Variants in RGS7 observed in about 807,000 individuals in gnomAD.
The protein encoded by RGS7 is regulator of G protein signaling 7.
Under a neutral mutation model 81.1 loss-of-function variants are expected in RGS7, and 27 were observed. The observed-to-expected ratio is 0.33, with a 90% CI of 0.25 to 0.46. The LOEUF (loss-of-function observed/expected upper bound fraction) is 0.46, where lower values mean the gene tolerates loss of function less well. RGS7 is among the 20% of genes least tolerant of loss of function. The probability of loss-of-function intolerance (pLI) is 1.00; values close to 1 mark genes in which losing one functional copy is unlikely to be tolerated. For synonymous variants in RGS7, 208 were observed against 207.7 expected, an observed-to-expected ratio of 1.00 and a Z score of -0.01; for missense variants, 396 against 607.4, an observed-to-expected ratio of 0.65 and a Z score of 3.66.
intron 2 of RGS7, among the ~76,000 whole-genome samples, chr1:241,224,174 G>A (rs2075178639): frequency 6.6e-6 from 1 of 151,864 alleles, no homozygotes; most frequent in African/African-American, 2.4e-5. Flanking sequence ...TTATACACGT[G>A]CCTTGGTGGT....
intron 2 of RGS7, among the ~76,000 whole-genome samples, chr1:241,255,546 G>C (rs1424739839): frequency 1.3e-5 from 2 of 152,190 alleles, no homozygotes; most frequent in East Asian, 1.9e-4. Context: ...GACAACAATT[G>C]CTACATTTAA....
At chr1:241,242,579 T>C (rs2076318096) in intron 2 of RGS7, among the ~76,000 whole-genome samples, 1 of 152,214 alleles carries the variant, frequency 6.6e-6, no homozygotes, top group South Asian at 2.1e-4. Context: ...GTTGTACTGG[T>C]TTACATTCCC....
intron 4 of RGS7, among the ~76,000 whole-genome samples, chr1:240,973,741 C>A (rs1012128628): frequency 6.6e-6 from 1 of 151,868 alleles, no homozygotes; most frequent in South Asian, 2.1e-4. Flanking sequence ...AGGGGCCCAC[C>A]ACCGCGCCCG....
chr1:241,175,714 C>T (rs1007007680), intron 2 of RGS7, among the ~76,000 whole-genome samples: 13 of 152,250 alleles, frequency 8.5e-5, no homozygotes, highest in Admixed American at 4.6e-4. Flanking sequence ...AGCTGTCACT[C>T]AGAGTTAAAC....
At chr1:240,979,128 A>T (rs144964034) in intron 4 of RGS7, among the ~76,000 whole-genome samples, 33 of 152,328 alleles carry the variant, frequency 2.2e-4, no homozygotes, top group Middle Eastern at 3.4e-3. Flanking sequence ...GCAACAAAAC[A>T]TTCTGCCAAA....
intron 9 of RGS7, among the ~76,000 whole-genome samples, chr1:240,836,375 G>A (rs1016854233): frequency 6.6e-6 from 1 of 152,206 alleles, no homozygotes; most frequent in Admixed American, 6.5e-5. Context: ...GAAGGTTACT[G>A]CAATTATTCA....
At chr1:241,184,494 T>C (rs1160081607) in intron 2 of RGS7, among the ~76,000 whole-genome samples, 1 of 152,148 alleles carries the variant, frequency 6.6e-6, no homozygotes, top group Non-Finnish European at 1.5e-5. Context: ...TCGGAAATGC[T>C]CCAAAATCCA....
At chr1:241,091,107 C>A (rs560267306) in intron 3 of RGS7, among the ~76,000 whole-genome samples, 49 of 152,242 alleles carry the variant, frequency 3.2e-4, no homozygotes, top group Non-Finnish European at 6.5e-4. Flanking sequence ...CTATTTCCTT[C>A]TCTAGGAAAT....
At chr1:241,342,170 G>A in intron 2 of RGS7, among the ~76,000 whole-genome samples, 1 of 151,950 alleles carries the variant, frequency 6.6e-6, no homozygotes, top group Non-Finnish European at 1.5e-5. Context: ...CACCACACCT[G>A]GTCTCTGGTA....
intron 3 of RGS7, among the ~76,000 whole-genome samples, chr1:241,092,540 A>G (rs187452693): frequency 1.5e-3 from 226 of 152,374 alleles, no homozygotes; most frequent in African/African-American, 5.2e-3. Flanking sequence ...AGCAAAATCT[A>G]CAAATATATT....
intron 9 of RGS7, among the ~76,000 whole-genome samples, 183 bp from the exon 10 acceptor site, chr1:240,827,355 A>G (rs188321666): frequency 6.6e-6 from 1 of 152,286 alleles, no homozygotes; most frequent in Non-Finnish European, 1.5e-5. Flanking sequence ...AAGACATGAT[A>G]CTTCTTAACT....
At chr1:241,225,624 G>C (rs141781654) in intron 2 of RGS7, among the ~76,000 whole-genome samples, 56 of 152,266 alleles carry the variant, frequency 3.7e-4, no homozygotes, top group African/African-American at 1.2e-3. Context: ...CTTTTAGAGA[G>C]ATATTACAGG....
At chr1:240,976,778 C>A (rs1376206655) in intron 4 of RGS7, among the ~76,000 whole-genome samples, 1 of 143,646 alleles carries the variant, frequency 7.0e-6, no homozygotes, top group African/African-American at 2.5e-5. Context: ...TATCATCGAT[C>A]TATCATCTAT....
intron 2 of RGS7, among the ~76,000 whole-genome samples, chr1:241,316,960 A>C (rs777108298): frequency 1.2e-4 from 19 of 152,356 alleles, no homozygotes; most frequent in Admixed American, 6.5e-4. Flanking sequence ...AAAGGCATTA[A>C]TGCACTTTTA....
chr1:240,812,504 G>A (rs567191229), intron 13 of RGS7, among the ~76,000 whole-genome samples: 21 of 148,280 alleles, frequency 1.4e-4, no homozygotes, highest in South Asian at 6.4e-4. Context: ...GCGTGATCTC[G>A]GCTCACTGCA....
chr1:241,090,602 A>G (rs2063812134), intron 3 of RGS7, among the ~76,000 whole-genome samples: 12 of 152,168 alleles, frequency 7.9e-5, no homozygotes. Flanking sequence ...ATGTGTTGCT[A>G]TTTCAATTAC....
chr1:241,221,176 AAAAGAAAGAGAG>A (rs1013506524), intron 2 of RGS7, among the ~76,000 whole-genome samples: 2 of 146,104 alleles, frequency 1.4e-5, no homozygotes, highest in African/African-American at 4.9e-5. Flanking sequence ...GGAAGGGGAA[AAAAGAAAGAGAG>A]AAAGAAAGAG....
At chr1:240,968,703 G>T (rs77081508) in intron 4 of RGS7, among the ~76,000 whole-genome samples, 1 of 152,272 alleles carries the variant, frequency 6.6e-6, no homozygotes, top group East Asian at 1.9e-4. Flanking sequence ...GCAGGAACCT[G>T]TCTTGTGTGG....
intron 2 of RGS7, among the ~76,000 whole-genome samples, chr1:241,101,020 G>T (rs2064699057): frequency 6.6e-6 from 1 of 152,238 alleles, no homozygotes; most frequent in Non-Finnish European, 1.5e-5. Flanking sequence ...TAACTCTGCT[G>T]ATGTAGAGAT....
Sources: gnomAD v4.1 joint callset for allele counts (sites outside exome capture counted in the v4.1 genomes callset) on GRCh38, gnomAD v4.1.1 for gene constraint, MANE v1.5 for transcripts, NCBI Gene and HGNC (gene_info 2026-07-23, HGNC 2026-07-21) for gene names.